ABL2: variants seen among roughly 807,000 people sequenced by gnomAD.
The protein encoded by ABL2 is ABL proto-oncogene 2, non-receptor tyrosine kinase.
In ABL2, 49 loss-of-function variants were observed where a neutral mutation model predicts 107.7. The ratio of observed to expected loss-of-function variants is 0.45; its 90% CI spans 0.36 to 0.58. The LOEUF is 0.58. Among genes scored for constraint, ABL2 ranks in the 20% least tolerant of loss-of-function variants. The pLI is 0.00. For synonymous variants in ABL2, 549 were observed against 548.6 expected, an observed-to-expected ratio of 1.00 and a Z score of -0.01; for missense variants, 1,245 against 1,457.0, an observed-to-expected ratio of 0.85 and a Z score of 2.37.
chr1:179,116,829 CT>C (rs35259294), intron 8 of ABL2: 2,481 of 145,934 alleles, frequency 0.017, 31 homozygotes, highest in African/African-American at 0.048. Context: ...CTTCTTTATA[CT>C]TTTTTTTTTT....
chr1:179,127,784 C>A (rs776031747), intron 3 of ABL2, among the ~76,000 whole-genome samples: 3 of 151,960 alleles, frequency 2.0e-5, no homozygotes, highest in Non-Finnish European at 4.4e-5. Context: ...GTAATCCCAG[C>A]ACTTTGGGAG....
intron 1 of ABL2, among the ~76,000 whole-genome samples, chr1:179,188,460 T>C (rs1223196256): frequency 1.3e-5 from 2 of 151,792 alleles, no homozygotes; most frequent in South Asian, 2.1e-4. Context: ...GGCAGGAGAA[T>C]TGTTTGAACG....
intron 4 of ABL2, among the ~76,000 whole-genome samples, chr1:179,124,395 G>A (rs1204317341): frequency 6.7e-6 from 1 of 148,676 alleles, no homozygotes; most frequent in Non-Finnish European, 1.5e-5. Flanking sequence ...CCTCCCTTAT[G>A]CTCTCCAGCT....
In ABL2 at chr1:179,107,026, T is replaced by C. The variant is rs899817029; in HGVS notation, c.*692A>G. On this transcript the variant is annotated 3_prime_UTR_variant, in exon 12 of 12. Coordinates refer to ENST00000502732, the MANE Select transcript of ABL2 (RefSeq NM_007314.4). The stretch of plus-strand genomic sequence containing the variant: ...ATACCAGACTGGGAGAAGTGACTTC[T>C]GCTAATCTGTGTAAGATTTTAGAAG... 3.1e-4 allele frequency: 71 copies of C among 229,686 alleles called. No homozygotes were observed. Among genetic ancestry groups the C allele is most frequent in the Non-Finnish European group, 1.1e-4 (13 of 115,938 alleles). 14.2% of individuals were successfully genotyped at this position (229,686 alleles called of 1,614,324 possible).
At chr1:179,135,120 T>G in intron 1 of ABL2, among the ~76,000 whole-genome samples, 1 of 152,180 alleles carries the variant, frequency 6.6e-6, no homozygotes. Context: ...CCTCCCAAAG[T>G]GCCGAGATTG....
Position 179,120,256 on chromosome 1 carries a change from C to T in ABL2, c.979G>A (p.Glu327Lys). 6.2e-7 allele frequency: 1 copy of T among 1,607,940 alleles called. No individual in the cohort carries two copies. The change falls in exon 6 of 12, where the codon GAA becomes AAA. Residue 327 changes from glutamate (E) to lysine (K), a missense_variant. Transcript: ENST00000502732. ...ACTGCAGCTTCTTTCAGGAATTCTT[C>T]TACCTCCATGGTATCTTCCTAGAAA... ...KTLKEDTMEV[E>K]EFLKEAAVMK... is the part of the protein sequence containing the mutation.
chr1:179,223,753 C>T (rs1369818831), intron 1 of ABL2, among the ~76,000 whole-genome samples: 1 of 151,400 alleles, frequency 6.6e-6, no homozygotes, highest in Non-Finnish European at 1.5e-5. Context: ...ATTAAAATTC[C>T]CTCACAACAG....
chr1:179,135,794 CCCGGCCAGCCG>C (rs1401860503), intron 1 of ABL2, among the ~76,000 whole-genome samples: 79 of 140,800 alleles, frequency 5.6e-4, no homozygotes, highest in African/African-American at 2.1e-3. Flanking sequence ...CAGCCCCCCG[CCCGGCCAGCCG>C]CCCCGTCCGG....
chr1:179,188,087 G>T (rs1660777610), intron 1 of ABL2, among the ~76,000 whole-genome samples: 1 of 152,068 alleles, frequency 6.6e-6, no homozygotes, highest in South Asian at 2.1e-4. Flanking sequence ...TGCCATTCTG[G>T]AAGGATATAC....
At chr1:179,226,940 A>G (rs1663250645) in intron 1 of ABL2, among the ~76,000 whole-genome samples, 1 of 152,230 alleles carries the variant, frequency 6.6e-6, no homozygotes, top group Non-Finnish European at 1.5e-5. Context: ...TTATGTTCAC[A>G]GCAACATTCC....
intron 1 of ABL2, among the ~76,000 whole-genome samples, chr1:179,150,973 A>T (rs569582793): frequency 2.0e-5 from 3 of 152,360 alleles, no homozygotes; most frequent in Admixed American, 2.0e-4. Context: ...TCAGATGATC[A>T]TCAGCATTTT....
chr1:179,141,150 T>C (rs1293643741), intron 1 of ABL2, among the ~76,000 whole-genome samples: 3 of 149,940 alleles, frequency 2.0e-5, no homozygotes, highest in Non-Finnish European at 4.4e-5. Flanking sequence ...AAGTATTGGC[T>C]GGGCATAGTG....
chr1:179,110,507 A>C, intron 10 of ABL2, 52 bp from the exon 11 acceptor site: 2 of 1,558,490 alleles, frequency 1.3e-6, no homozygotes, highest in Non-Finnish European at 1.7e-6. Flanking sequence ...TAGCAGAAAA[A>C]GGGAGTTCTT....
At chr1:179,118,330 T>A (rs548270828) in intron 7 of ABL2, among the ~76,000 whole-genome samples, 1 of 152,134 alleles carries the variant, frequency 6.6e-6, no homozygotes, top group African/African-American at 2.4e-5. Context: ...CTGGTCAACA[T>A]AGCAAGACCC....
chr1:179,186,830 A>G (rs1338008765), intron 1 of ABL2, among the ~76,000 whole-genome samples: 2 of 150,764 alleles, frequency 1.3e-5, no homozygotes, highest in Non-Finnish European at 3.0e-5. Context: ...TCCACCTCCC[A>G]GGTTCAAGCA....
At chr1:179,187,409 G>T (rs950880881) in intron 1 of ABL2, among the ~76,000 whole-genome samples, 1 of 152,088 alleles carries the variant, frequency 6.6e-6, no homozygotes, top group Non-Finnish European at 1.5e-5. Context: ...AACCAAAGAA[G>T]TTTCAAATTC....
chr1:179,183,615 CGT>C (rs1660508179), intron 1 of ABL2: 1 of 151,932 alleles, frequency 6.6e-6, no homozygotes, highest in Non-Finnish European at 1.5e-5. Context: ...ATAATACAAA[CGT>C]AAGTTAAAAT....
At chr1:179,110,980 CTTTTT>C (rs376797144) in intron 10 of ABL2, 7,090 of 593,690 alleles carry the variant, frequency 0.012, no homozygotes, top group Middle Eastern at 0.018. Flanking sequence ...TTATTTTTGG[CTTTTT>C]TTTTTTTTTT....
intron 1 of ABL2, among the ~76,000 whole-genome samples, chr1:179,193,319 T>A (rs1661122707): frequency 6.6e-6 from 1 of 151,792 alleles, no homozygotes; most frequent in Non-Finnish European, 1.5e-5. Context: ...TAAAGGTGAA[T>A]ATTATTGTCA....
Sources: allele counts gnomAD v4.1 joint callset (sites outside exome capture counted in the v4.1 genomes callset), GRCh38; gene constraint gnomAD v4.1.1; transcripts MANE v1.5; gene names NCBI Gene and HGNC (gene_info 2026-07-23, HGNC 2026-07-21).